The following HIPK2 variants were observed in gnomAD, a reference collection of about 807,000 sequenced individuals.
HIPK2 encodes homeodomain-interacting protein kinase 2.
In HIPK2, 27 loss-of-function variants were observed where a neutral mutation model predicts 113.7. That is an observed-to-expected ratio of 0.24 (90% CI 0.17 to 0.33). The LOEUF is 0.33. Ranked by LOEUF, HIPK2 falls within the 10% of genes least tolerant of loss-of-function variation. The probability of loss-of-function intolerance (pLI) is 1.00; values close to 1 mark genes in which losing one functional copy is unlikely to be tolerated. For synonymous variants in HIPK2, 631 were observed against 642.2 expected (o/e 0.98, Z 0.26); for missense variants, 1,257 against 1,588.0 (o/e 0.79, Z 3.54).
At position 139,563,976 on chromosome 7, in the gene HIPK2, C is replaced by A. The variant is rs114877283; in HGVS notation, c.*8951G>T. The A allele has an allele frequency of 5.4e-3, 2,172 of 398,536 alleles. 46 individuals carry two copies. The highest frequency in any genetic ancestry group is 0.04 in the African/African-American group (1,935 of 48,714). 24.7% of individuals were successfully genotyped at this position (398,536 alleles called of 1,614,324 possible). A position where few individuals can be genotyped will look rare whatever the true frequency, so the allele number is the denominator to read the frequency against. ...TCTGTTTCTGCATGACAGTGGGGCC[C>A]ATTCCTGTCTCGAAGCATCTTCTTG... On this transcript the variant is annotated 3_prime_UTR_variant, in exon 15 of 15. Transcript: ENST00000406875.
intron 6 of HIPK2, among the ~76,000 whole-genome samples, chr7:139,624,664 C>G (rs150530647): frequency 0.012 from 1,852 of 152,282 alleles, 35 homozygotes; most frequent in African/African-American, 0.042. Context: ...TTACTTGGAT[C>G]CCCTCCCATC....
At chr7:139,657,507 A>T (rs1801712739) in intron 2 of HIPK2, among the ~76,000 whole-genome samples, 1 of 152,152 alleles carries the variant, frequency 6.6e-6, no homozygotes. Flanking sequence ...GGACTGGCAC[A>T]TTCTGCCTCC....
intron 2 of HIPK2, among the ~76,000 whole-genome samples, chr7:139,704,829 C>T (rs377109562): frequency 3.9e-5 from 6 of 152,242 alleles, no homozygotes; most frequent in African/African-American, 1.2e-4. Flanking sequence ...TGCACTCCAC[C>T]GTCGGACTAC....
At chr7:139,635,729 A>G (rs1386539726) in intron 2 of HIPK2, among the ~76,000 whole-genome samples, 1 of 152,214 alleles carries the variant, frequency 6.6e-6, no homozygotes, top group Non-Finnish European at 1.5e-5. Flanking sequence ...GCCACATCAA[A>G]GCACACAGGA....
At chr7:139,648,212 A>AC (rs1274956469) in intron 2 of HIPK2, among the ~76,000 whole-genome samples, 2 of 152,162 alleles carry the variant, frequency 1.3e-5, no homozygotes, top group African/African-American at 4.8e-5. Context: ...AACCCCACAT[A>AC]CCCCAAAGTT....
At chr7:139,632,317 G>A (rs1439966537) in intron 2 of HIPK2, among the ~76,000 whole-genome samples, 8 of 152,126 alleles carry the variant, frequency 5.3e-5, no homozygotes, top group Non-Finnish European at 7.4e-5. Context: ...CACCTAACTC[G>A]AGGTATTCTA....
intron 1 of HIPK2, among the ~76,000 whole-genome samples, chr7:139,756,113 G>A (rs1024195375): frequency 3.9e-5 from 6 of 151,972 alleles, no homozygotes; most frequent in African/African-American, 1.2e-4. Context: ...ACCCAAACAC[G>A]TCTAATAATA....
intron 1 of HIPK2, among the ~76,000 whole-genome samples, chr7:139,749,720 G>A (rs1246121770): frequency 6.6e-6 from 1 of 152,102 alleles, no homozygotes; most frequent in Non-Finnish European, 1.5e-5. Context: ...TCCTAATACT[G>A]CCTCTCAAAG....
chr7:139,699,383 T>A (rs1256070080), intron 2 of HIPK2, among the ~76,000 whole-genome samples: 6 of 152,122 alleles, frequency 3.9e-5, no homozygotes, highest in African/African-American at 1.4e-4. Context: ...TCTCGCTTGC[T>A]AGATGGAAAG....
In HIPK2 at chr7:139,727,093, G is replaced by A. The variant is rs541546775; in HGVS notation, c.20-10078C>T. 2.0e-5 allele frequency among the ~76,000 whole-genome samples: 3 copies of A among 152,350 alleles called. No homozygotes were observed. In the South Asian group the frequency reaches 6.2e-4, roughly 32 times the overall value. On this transcript the variant is annotated intron_variant, in intron 1 of 14. Transcript: ENST00000406875. The stretch of plus-strand genomic sequence containing the variant: ...GAAGGCTGTCATCAACACCTCGGTG[G>A]AAATGGAGTCCCCGTGGGTAAAGCT...
At chr7:139,600,680 T>G (rs1313170871) in intron 10 of HIPK2, 84 bp from the exon 11 acceptor site, 1 of 1,466,688 alleles carries the variant, frequency 6.8e-7, no homozygotes, top group South Asian at 1.3e-5. Context: ...CCTCCCCAAT[T>G]AAACGCTGAC....
chr7:139,586,413 A>G (rs1798832491), intron 12 of HIPK2, among the ~76,000 whole-genome samples: 1 of 152,198 alleles, frequency 6.6e-6, no homozygotes, highest in Admixed American at 6.5e-5. Flanking sequence ...CCGAGTGTCC[A>G]TCAGCTGGTG....
chr7:139,711,859 A>C (rs1795078349), intron 2 of HIPK2, among the ~76,000 whole-genome samples: 1 of 152,234 alleles, frequency 6.6e-6, no homozygotes, highest in Non-Finnish European at 1.5e-5. Context: ...ATTACCTGCA[A>C]CTCTGTTCTT....
At chr7:139,638,366 G>A (rs1402151608) in intron 2 of HIPK2, among the ~76,000 whole-genome samples, 2 of 152,042 alleles carry the variant, frequency 1.3e-5, no homozygotes, top group African/African-American at 4.8e-5. Context: ...TATTCAAACA[G>A]ACACTGCCCA....
rs1798052584 is a variant in HIPK2, at chr7:139,565,025, C to CG, written c.*7901dup. On this transcript the variant is annotated 3_prime_UTR_variant, in exon 15 of 15. Coordinates refer to ENST00000406875, the MANE Select transcript of HIPK2 (RefSeq NM_022740.5). ...CAGAATTCACTTAAGCAACGATGAC[C>CG]GGGGGTATGAAGTAATCATTATTTT... 1 of 151,932 alleles carries CG rather than the reference C, an allele frequency of 6.6e-6. No individual in the cohort carries two copies. The allele number at this position is 151,932 out of a possible 1,614,324, so 9.4% of individuals were successfully genotyped here. A position where few individuals can be genotyped will look rare whatever the true frequency, so the allele number is the denominator to read the frequency against.
chr7:139,635,937 G>A (rs1339548870), intron 2 of HIPK2, among the ~76,000 whole-genome samples: 1 of 152,188 alleles, frequency 6.6e-6, no homozygotes, highest in Admixed American at 6.5e-5. Flanking sequence ...AGCAGCTGCT[G>A]CCCTAGTTCT....
In HIPK2 at chr7:139,631,736, A is replaced by G; in HGVS notation, c.1104-11T>C. On this transcript the variant is annotated splice_polypyrimidine_tract_variant and intron_variant, in intron 2 of 14. Transcript: ENST00000406875. The surrounding 1 kb of genome is among the most constrained non-coding windows in gnomAD (Gnocchi z 4.9). Reference sequence around the variant, plus strand: ...ATGATCTCAGGGGCCCTGAAAAGGAAGAATGGAAGAAACCATTAGCAAGTT... The same window carrying G: ...ATGATCTCAGGGGCCCTGAAAAGGAGGAATGGAAGAAACCATTAGCAAGTT... The G allele has an allele frequency of 6.2e-7, 1 of 1,609,512 alleles. No individual in the cohort carries two copies.
chr7:139,720,248 A>G (rs1795369061), intron 1 of HIPK2, among the ~76,000 whole-genome samples: 1 of 152,188 alleles, frequency 6.6e-6, no homozygotes, highest in Admixed American at 6.5e-5. Flanking sequence ...CCCAGTGATC[A>G]TTCCCAACTC....
chr7:139,756,034 T>C (rs1430569367), intron 1 of HIPK2, among the ~76,000 whole-genome samples: 1 of 152,224 alleles, frequency 6.6e-6, no homozygotes, highest in East Asian at 1.9e-4. Flanking sequence ...AATCAGTCTG[T>C]CCCATTTAAC....
Sources: gnomAD v4.1 joint callset for allele counts (sites outside exome capture counted in the v4.1 genomes callset) on GRCh38, gnomAD v4.1.1 for gene constraint, Gnocchi (gnomAD v3.1) non-coding constraint, MANE v1.5 for transcripts, NCBI Gene and HGNC (gene_info 2026-07-23, HGNC 2026-07-21) for gene names.